MYCBP2: variants seen among roughly 807,000 people sequenced by gnomAD.
The protein encoded by MYCBP2 is MYC binding protein 2.
Under a neutral mutation model 525.3 loss-of-function variants are expected in MYCBP2, and 120 were observed. The observed-to-expected ratio is 0.23, with a 90% CI of 0.20 to 0.27. The LOEUF (loss-of-function observed/expected upper bound fraction) is 0.27, where lower values mean the gene tolerates loss of function less well. Ranked by LOEUF, MYCBP2 falls within the 10% of genes least tolerant of loss-of-function variation. The pLI is 1.00. For missense variants in MYCBP2, 4,149 were observed against 5,657.1 expected, an observed-to-expected ratio of 0.73 and a Z score of 8.55; for synonymous variants, 1,894 against 1,955.8, an observed-to-expected ratio of 0.97 and a Z score of 0.83.
intron 1 of MYCBP2, among the ~76,000 whole-genome samples, chr13:77,324,435 C>G (rs2082057195): frequency 6.6e-6 from 1 of 152,140 alleles, no homozygotes; most frequent in Non-Finnish European, 1.5e-5. Context: ...GCCGAAACCC[C>G]AAGTCTACTT....
chr13:77,238,689 A>T (rs2068344948), intron 17 of MYCBP2, among the ~76,000 whole-genome samples: 1 of 152,254 alleles, frequency 6.6e-6, no homozygotes. Flanking sequence ...TTTAAAATTA[A>T]AAAGTTCCAA....
intron 52 of MYCBP2, among the ~76,000 whole-genome samples, chr13:77,134,928 G>T (rs951381980): frequency 6.6e-6 from 1 of 152,102 alleles, no homozygotes; most frequent in Non-Finnish European, 1.5e-5. Context: ...AAACAAGACA[G>T]CATGACAAGA....
intron 47 of MYCBP2, among the ~76,000 whole-genome samples, chr13:77,147,516 CT>C (rs1242832062): frequency 6.6e-6 from 1 of 152,084 alleles, no homozygotes; most frequent in Non-Finnish European, 1.5e-5. Context: ...CTTCTAACTC[CT>C]CCTGTACTTA....
chr13:77,074,839 G>C (rs2042012681), intron 68 of MYCBP2, among the ~76,000 whole-genome samples: 1 of 152,196 alleles, frequency 6.6e-6, no homozygotes, highest in Admixed American at 6.5e-5. Flanking sequence ...TTCAGTAGTT[G>C]CTAGGCTCTA....
At position 77,185,897 on chromosome 13, in the gene MYCBP2, T is replaced by C. The variant is rs746830963; in HGVS notation, c.4418A>G (p.Tyr1473Cys). The C allele has an allele frequency of 6.2e-7, 1 of 1,609,284 alleles. No homozygotes were observed. The highest frequency in any genetic ancestry group is 8.5e-7 in the Non-Finnish European group (1 of 1,178,490). The stretch of plus-strand genomic sequence containing the variant: ...TGACACTGGGTAAATTTCACAGGTA[T>C]AGACACGCAATAACCTCAGACAACA... ...GTCCLRLLRV[Y>C]TCEIYPVSAT... is the part of the protein sequence containing the mutation. The change falls in exon 31 of 83, where the codon TAT becomes TGT. Residue 1473 changes from tyrosine to cysteine, a missense_variant. By Grantham distance (194) the Tyr-to-Cys change is radical. Transcript: ENST00000544440.
At chr13:77,298,783 G>A (rs2078462291) in intron 1 of MYCBP2, among the ~76,000 whole-genome samples, 1 of 152,132 alleles carries the variant, frequency 6.6e-6, no homozygotes, top group African/African-American at 2.4e-5. Flanking sequence ...AAGATAGTAT[G>A]CCATAAAAGT....
At chr13:77,111,669 T>G in intron 55 of MYCBP2, among the ~76,000 whole-genome samples, 1 of 151,980 alleles carries the variant, frequency 6.6e-6, no homozygotes, top group South Asian at 2.1e-4. Flanking sequence ...TAAATATTTC[T>G]TCTACATTCT....
chr13:77,310,435 G>C (rs2080040520), intron 1 of MYCBP2, among the ~76,000 whole-genome samples: 1 of 152,108 alleles, frequency 6.6e-6, no homozygotes, highest in African/African-American at 2.4e-5. Context: ...TTGGAACACA[G>C]CCATGCTTAT....
At chr13:77,290,303 C>A (rs955713052) in intron 2 of MYCBP2, among the ~76,000 whole-genome samples, 1 of 152,168 alleles carries the variant, frequency 6.6e-6, no homozygotes, top group African/African-American at 2.4e-5. Context: ...GAAAGTACAG[C>A]AATTTCCTAC....
chr13:77,203,793 G>C (rs1220329342), intron 26 of MYCBP2, among the ~76,000 whole-genome samples: 2 of 151,786 alleles, frequency 1.3e-5, no homozygotes, highest in South Asian at 2.1e-4. Context: ...CAAGAAATGG[G>C]GAAAGGATTC....
At position 77,169,648 on chromosome 13, in the gene MYCBP2, G is replaced by A; in HGVS notation, c.5861C>T (p.Ala1954Val). Residue 1954 changes from alanine (A) to valine (V), a missense_variant, in exon 39 of 83, where the codon GCC becomes GTC. Around this residue, in one of 21 missense-constraint regions of MYCBP2, gnomAD observed 692 missense variants for 852.7 expected, o/e 0.81. Transcript: ENST00000544440. ...AGCAGCAGCTACTGGTCCTATGTAG[G>A]CTATAATAAGGGGGAGCAGCATGGA... ...LFSMLLPLII[A>V]YIGPVAAAIP... 1.2e-6 allele frequency: 2 copies of A among 1,613,852 alleles called. No individual in the cohort carries two copies. The highest frequency in any genetic ancestry group is 1.1e-5 in the South Asian group (1 of 91,072).
chr13:77,322,716 G>T (rs1443264990), intron 1 of MYCBP2, among the ~76,000 whole-genome samples: 1 of 152,202 alleles, frequency 6.6e-6, no homozygotes, highest in Non-Finnish European at 1.5e-5. Flanking sequence ...AGGTAGACGT[G>T]AACTAAGGGA....
chr13:77,095,272 G>C, intron 58 of MYCBP2, 86 bp downstream of exon 58: 2 of 1,503,268 alleles, frequency 1.3e-6, no homozygotes, highest in South Asian at 2.5e-5. Flanking sequence ...ATAAAGTGTA[G>C]GTCAAATACC....
chr13:77,181,835 T>A lies in MYCBP2; in HGVS notation c.4807A>T (p.Thr1603Ser), dbSNP rs752909159. 3 of 1,613,994 alleles carry A rather than the reference T, an allele frequency of 1.9e-6. No homozygotes were observed. The highest frequency in any genetic ancestry group is 2.5e-6 in the Non-Finnish European group (3 of 1,180,028). Residue 1603 changes from threonine (T) to serine (S), a missense_variant, in exon 33 of 83, where the codon ACT (threonine) becomes TCT (serine). Thr to Ser is a moderately conservative substitution (Grantham distance 58). Coordinates refer to ENST00000544440, the MANE Select transcript of MYCBP2 (RefSeq NM_015057.5). Reference sequence around the variant, plus strand: ...TCATACGCAATCGGGAAGATGGAAGTCAGCTTAACAGACGTGTGACACAGA... The same window carrying A: ...TCATACGCAATCGGGAAGATGGAAGACAGCTTAACAGACGTGTGACACAGA... Reference protein sequence around the residue: ...SALCHTSVKLTSIFPIAYDGE... With the variant: ...SALCHTSVKLSSIFPIAYDGE...
At chr13:77,082,958 G>T in intron 63 of MYCBP2, 74 bp downstream of exon 63, 3 of 1,400,160 alleles carry the variant, frequency 2.1e-6, no homozygotes, top group South Asian at 1.5e-5. Flanking sequence ...GCTTTTTTTG[G>T]AGCATTTCAT....
At chr13:77,272,254 TTC>T (rs1331579112) in intron 5 of MYCBP2, 5 of 152,214 alleles carry the variant, frequency 3.3e-5, no homozygotes, top group Non-Finnish European at 7.3e-5. Flanking sequence ...ACCTAGAACA[TTC>T]TCTCTCTACA....
intron 12 of MYCBP2, among the ~76,000 whole-genome samples, chr13:77,260,809 C>A (rs2073141780): frequency 6.6e-6 from 1 of 152,136 alleles, no homozygotes; most frequent in African/African-American, 2.4e-5. Flanking sequence ...ATTGCTAGAT[C>A]CTCATTCCCT....
intron 26 of MYCBP2, among the ~76,000 whole-genome samples, chr13:77,195,756 C>G (rs1445350611): frequency 1.3e-5 from 2 of 152,132 alleles, no homozygotes; most frequent in Admixed American, 1.3e-4. Context: ...TTCTTCTAAC[C>G]CATATTCCAC....
At chr13:77,303,089 C>G (rs1490085152) in intron 1 of MYCBP2, among the ~76,000 whole-genome samples, 4 of 152,200 alleles carry the variant, frequency 2.6e-5, no homozygotes, top group Non-Finnish European at 5.9e-5. Context: ...AATCCCAGCA[C>G]TTTGGGAGGC....
Sources: allele counts gnomAD v4.1 joint callset (sites outside exome capture counted in the v4.1 genomes callset), GRCh38; gene constraint gnomAD v4.1.1; regional missense constraint gnomAD v4.1.1; transcripts MANE v1.5; gene names NCBI Gene and HGNC (gene_info 2026-07-23, HGNC 2026-07-21).